The following SH3BP4 variants were observed in gnomAD, a reference collection of about 807,000 sequenced individuals.
SH3BP4 encodes the protein SH3 domain-binding protein 4.
A neutral mutation model predicts 65.5 loss-of-function variants in SH3BP4; 33 were observed. The ratio of observed to expected loss-of-function variants is 0.50; its 90% CI spans 0.38 to 0.67. The LOEUF (loss-of-function observed/expected upper bound fraction) is 0.67. Ranked by LOEUF, SH3BP4 falls within the 30% of genes least tolerant of loss-of-function variation. SH3BP4 has a pLI of 0.00. For synonymous variants in SH3BP4, 552 were observed against 545.5 expected (o/e 1.01, Z -0.17); for missense variants, 1,134 against 1,261.4 (o/e 0.90, Z 1.53).
chr2:234,965,296 C>T (rs956477154), intron 1 of SH3BP4, among the ~76,000 whole-genome samples: 5 of 152,150 alleles, frequency 3.3e-5, no homozygotes, highest in Admixed American at 2.0e-4. Flanking sequence ...GGCAGTTCCC[C>T]CTCAGGGAAG....
rs74799087 is a variant in SH3BP4 at position 235,002,505 on chromosome 2, C to G, written c.-133+7129C>G. Among the ~76,000 whole-genome samples, 570 of 152,262 alleles carry G rather than the reference C, an allele frequency of 3.7e-3. 2 individuals carry two copies. Among genetic ancestry groups the G allele is most frequent in the African/African-American group, 0.013 (548 of 41,542 alleles). ...CCAAGGGAGGCTGAAGCGGGCGGAT[C>G]ACTTGAGTCCAGGAGTTCAAGTCCA... On this transcript the variant is annotated intron_variant, in intron 2 of 5. Coordinates refer to ENST00000392011, the MANE Select transcript of SH3BP4 (RefSeq NM_014521.3).
chr2:235,007,205 G>C (rs1694323549), intron 2 of SH3BP4, among the ~76,000 whole-genome samples: 1 of 152,134 alleles, frequency 6.6e-6, no homozygotes, highest in African/African-American at 2.4e-5. Flanking sequence ...AGGAAGGCAG[G>C]AGCAGGAGGC....
At chr2:235,009,166 C>T (rs1694395345) in intron 2 of SH3BP4, among the ~76,000 whole-genome samples, 1 of 152,204 alleles carries the variant, frequency 6.6e-6, no homozygotes, top group Non-Finnish European at 1.5e-5. Context: ...AGGACTATTA[C>T]TTGGGATAAC....
Position 235,052,879 on chromosome 2 carries a change from A to G in SH3BP4, c.2667+129A>G. ...GAGGGTGCAACAGGTGGAAATGTGC[A>G]CGCATGTGCCCAGCACTGGGTGTGC... is the stretch of plus-strand genomic sequence containing the variant. On this transcript the variant is annotated intron_variant, in intron 5 of 5. Coordinates refer to ENST00000392011, the MANE Select transcript of SH3BP4 (RefSeq NM_014521.3). This position sits in a 1 kb window ranked among gnomAD's most constrained non-coding sequence, Gnocchi z 5.0. The G allele has an allele frequency of 1.1e-6, 1 of 909,724 alleles. No individual in the cohort carries two copies. The highest frequency in any genetic ancestry group is 1.7e-5 in the South Asian group (1 of 58,136). The allele number at this position is 909,724 out of a possible 1,614,324, so 56.4% of individuals were successfully genotyped here.
chr2:234,956,739 T>G (rs988752476), intron 1 of SH3BP4, among the ~76,000 whole-genome samples: 2 of 151,644 alleles, frequency 1.3e-5, no homozygotes, highest in Non-Finnish European at 1.5e-5. Flanking sequence ...TTTAAATTCT[T>G]GTAGAAATGG....
rs143148630 is a variant in SH3BP4 at position 234,971,465 on chromosome 2, T to C, written c.-207+19295T>C. On this transcript the variant is annotated intron_variant, in intron 1 of 5. Coordinates refer to ENST00000392011, the MANE Select transcript of SH3BP4 (RefSeq NM_014521.3). ...TGCTGTGAACCTGGGTGTGCAGATATCTCTTTGAGACCCTGCTCTCAGCTC... is the reference window on the plus strand; with the variant it reads ...TGCTGTGAACCTGGGTGTGCAGATACCTCTTTGAGACCCTGCTCTCAGCTC... Among the ~76,000 whole-genome samples the C allele has an allele frequency of 2.0e-5, 3 of 152,352 alleles. No individual in the cohort carries two copies. The East Asian group carries it at 5.8e-4, about 29-fold the overall frequency.
intron 1 of SH3BP4, chr2:234,994,541 T>A (rs1272514359): frequency 2.6e-5 from 4 of 151,744 alleles, no homozygotes; most frequent in Admixed American, 2.6e-4. Context: ...GTCTGTCGCA[T>A]TGATGTTGGC....
chr2:234,968,816 T>C (rs544673015), intron 1 of SH3BP4, among the ~76,000 whole-genome samples: 4 of 152,360 alleles, frequency 2.6e-5, no homozygotes, highest in South Asian at 4.1e-4. Context: ...AAATCCTGTG[T>C]GTGTGTATTT....
chr2:235,040,814 C>T, intron 3 of SH3BP4, 74 bp from the exon 4 acceptor site: 1 of 1,327,440 alleles, frequency 7.5e-7, no homozygotes, highest in Non-Finnish European at 1.1e-6. Flanking sequence ...CCACCGTCCT[C>T]TCTCCTTTGG....
intron 4 of SH3BP4, among the ~76,000 whole-genome samples, chr2:235,049,503 C>T (rs1048287703): frequency 6.6e-6 from 1 of 152,200 alleles, no homozygotes; most frequent in African/African-American, 2.4e-5. Context: ...AGCACACCTT[C>T]CCAGGACCAC....
intron 4 of SH3BP4, among the ~76,000 whole-genome samples, chr2:235,048,523 G>C (rs1361287164): frequency 6.6e-6 from 1 of 150,664 alleles, no homozygotes; most frequent in Non-Finnish European, 1.5e-5. Flanking sequence ...GTCTGTAGTA[G>C]AGACAAGGTT....
intron 1 of SH3BP4, among the ~76,000 whole-genome samples, chr2:234,973,457 C>G (rs970885064): frequency 1.3e-5 from 2 of 152,198 alleles, no homozygotes; most frequent in Admixed American, 1.3e-4. Flanking sequence ...TTGCAGAAGT[C>G]ATTCCAGTGC....
chr2:235,036,387 G>T (rs772092646), intron 3 of SH3BP4, among the ~76,000 whole-genome samples: 1 of 152,186 alleles, frequency 6.6e-6, no homozygotes, highest in Non-Finnish European at 1.5e-5. Flanking sequence ...GCTGGAACTT[G>T]TGAGCATAAA....
At position 235,054,732 on chromosome 2, in the gene SH3BP4, T is replaced by A. The variant is rs1034338631; in HGVS notation, c.*916T>A. 2.0e-5 allele frequency: 3 copies of A among 152,230 alleles called. No homozygotes were observed. The highest frequency in any genetic ancestry group is 7.2e-5 in the African/African-American group (3 of 41,466). The allele number at this position is 152,230 out of a possible 1,614,324, so 9.4% of individuals were successfully genotyped here. On this transcript the variant is annotated 3_prime_UTR_variant, in exon 6 of 6. Coordinates refer to ENST00000392011, the MANE Select transcript of SH3BP4 (RefSeq NM_014521.3). ...GCTTCCCATAGAGTTTGCTGCCTCT[T>A]CTGTGGACAGGAAGAAAACTTCATG...
chr2:235,004,225 G>A (rs551472295), intron 2 of SH3BP4, among the ~76,000 whole-genome samples: 2 of 152,248 alleles, frequency 1.3e-5, no homozygotes, highest in South Asian at 4.2e-4. Flanking sequence ...TGTTCTCTGT[G>A]CATGTGCATA....
chr2:234,972,127 GTTTTTTGTTT>G (rs1460414214), intron 1 of SH3BP4, among the ~76,000 whole-genome samples: 42 of 120,108 alleles, frequency 3.5e-4, no homozygotes, highest in African/African-American at 1.6e-3. Context: ...TTTTTTTTTT[GTTTTTTGTTT>G]TTTTTTTGTT....
In SH3BP4 at chr2:234,967,508, T is replaced by C. The variant is rs1183926258; in HGVS notation, c.-207+15338T>C. Among the ~76,000 whole-genome samples, 1 of 152,172 alleles carries C rather than the reference T, an allele frequency of 6.6e-6. No individual in the cohort carries two copies. Among genetic ancestry groups the C allele is most frequent in the Non-Finnish European group, 1.5e-5 (1 of 68,022 alleles). On this transcript the variant is annotated intron_variant, in intron 1 of 5. Coordinates refer to ENST00000392011, the MANE Select transcript of SH3BP4 (RefSeq NM_014521.3). The surrounding 1 kb of genome is among the most constrained non-coding windows in gnomAD (Gnocchi z 4.6). Reference sequence around the variant, plus strand: ...TCTTCCCTGCCTGCTTGGAGTCTCCTGCAGCAGTCCTCGACCTTCCAGCCC... The same window carrying C: ...TCTTCCCTGCCTGCTTGGAGTCTCCCGCAGCAGTCCTCGACCTTCCAGCCC...
intron 1 of SH3BP4, chr2:234,995,020 G>C (rs557680251): frequency 1.3e-5 from 2 of 152,504 alleles, no homozygotes; most frequent in East Asian, 3.9e-4. Context: ...GGTGCAGGCT[G>C]GCCCAGGAAG....
chr2:234,983,606 C>T (rs976112727), intron 1 of SH3BP4, among the ~76,000 whole-genome samples: 44 of 152,166 alleles, frequency 2.9e-4, no homozygotes, highest in Non-Finnish European at 3.2e-4. Flanking sequence ...GCAAAAGGGA[C>T]TTTGCAGGTG....
Sources: gnomAD v4.1 joint callset for allele counts (sites outside exome capture counted in the v4.1 genomes callset) on GRCh38, gnomAD v4.1.1 for gene constraint, Gnocchi (gnomAD v3.1) non-coding constraint, MANE v1.5 for transcripts, NCBI Gene and HGNC (gene_info 2026-07-23, HGNC 2026-07-21) for gene names.